The following EDAR variants were observed in gnomAD, a reference collection of about 807,000 sequenced individuals.
EDAR encodes the protein ectodysplasin A receptor.
EDAR carries 38 observed loss-of-function variants against 51.3 expected under a neutral mutation model. That is an observed-to-expected ratio of 0.74 (90% CI 0.57 to 0.97). The LOEUF (loss-of-function observed/expected upper bound fraction) is 0.97. Ranked by LOEUF, EDAR falls within the 50% of genes least tolerant of loss-of-function variation. The probability of loss-of-function intolerance (pLI) is 0.00; values close to 1 mark genes in which losing one functional copy is unlikely to be tolerated. For missense variants in EDAR, 528 were observed against 595.0 expected (o/e 0.89, Z 1.17); for synonymous variants, 227 against 242.1 (o/e 0.94, Z 0.58).
intron 9 of EDAR, among the ~76,000 whole-genome samples, chr2:108,910,019 G>T (rs887274016): frequency 2.0e-5 from 3 of 152,198 alleles, no homozygotes; most frequent in Non-Finnish European, 4.4e-5. Context: ...CCAGCACTTG[G>T]TGGGCAGTAG....
At chr2:108,941,506 C>G (rs1241118922) in intron 1 of EDAR, among the ~76,000 whole-genome samples, 2 of 152,178 alleles carry the variant, frequency 1.3e-5, no homozygotes, top group African/African-American at 2.4e-5. Flanking sequence ...TCCTGGCGAC[C>G]CTTCCTGACC....
chr2:108,919,239 G>T (rs982523374), intron 5 of EDAR, among the ~76,000 whole-genome samples: 4 of 152,210 alleles, frequency 2.6e-5, no homozygotes, highest in African/African-American at 9.7e-5. Context: ...ACGCAGAGTA[G>T]CAGAGATTTC....
chr2:108,942,381 G>T (rs1697619670), intron 1 of EDAR, among the ~76,000 whole-genome samples: 1 of 152,226 alleles, frequency 6.6e-6, no homozygotes, highest in Non-Finnish European at 1.5e-5. Context: ...GCTGGCGATG[G>T]CTGGGGCTGA....
chr2:108,967,902 T>C (rs184183150), intron 1 of EDAR, among the ~76,000 whole-genome samples: 213 of 152,200 alleles, frequency 1.4e-3, no homozygotes, highest in Admixed American at 5.2e-3. Context: ...CCCTCAAGAT[T>C]AGTGAGTCTA....
intron 4 of EDAR, among the ~76,000 whole-genome samples, chr2:108,926,301 C>T (rs1379185440): frequency 1.3e-5 from 2 of 152,138 alleles, no homozygotes; most frequent in Admixed American, 6.5e-5. Context: ...TTCTCCCTAG[C>T]CCCCCAACCC....
At chr2:108,915,267 G>A (rs1697006157) in intron 5 of EDAR, among the ~76,000 whole-genome samples, 1 of 152,154 alleles carries the variant, frequency 6.6e-6, no homozygotes, top group Non-Finnish European at 1.5e-5. Flanking sequence ...TTCTGTGAGT[G>A]GGGGCAGCCC....
intron 5 of EDAR, among the ~76,000 whole-genome samples, chr2:108,918,041 A>G (rs1295508373): frequency 6.6e-6 from 1 of 152,196 alleles, no homozygotes; most frequent in African/African-American, 2.4e-5. Context: ...CACCAGCATC[A>G]TGTTGAATGC....
At chr2:108,913,177 C>T (rs1407623668) in intron 5 of EDAR, among the ~76,000 whole-genome samples, 1 of 152,076 alleles carries the variant, frequency 6.6e-6, no homozygotes, top group African/African-American at 2.4e-5. Context: ...GCTCGATCTC[C>T]TGACCTTGTG....
chr2:108,910,593 C>T (rs753006689), intron 8 of EDAR, 61 bp from the exon 9 acceptor site: 333 of 1,468,826 alleles, frequency 2.3e-4, no homozygotes, highest in Non-Finnish European at 3.0e-4. Context: ...GCTCTGCGCT[C>T]AGCCCAACCC....
intron 1 of EDAR, among the ~76,000 whole-genome samples, chr2:108,933,817 G>A (rs1423695737): frequency 6.6e-6 from 1 of 152,008 alleles, no homozygotes; most frequent in Non-Finnish European, 1.5e-5. Flanking sequence ...TCAGGTGGGG[G>A]AGGGTTGGGT....
At chr2:108,964,112 G>A (rs754047692) in intron 1 of EDAR, among the ~76,000 whole-genome samples, 13 of 152,162 alleles carry the variant, frequency 8.5e-5, no homozygotes, top group African/African-American at 2.7e-4. Context: ...AAACAGACAC[G>A]TATGGCTGTG....
At chr2:108,948,528 C>T (rs1201449490) in intron 1 of EDAR, among the ~76,000 whole-genome samples, 2 of 152,172 alleles carry the variant, frequency 1.3e-5, no homozygotes, top group African/African-American at 4.8e-5. Context: ...TTAATTGATT[C>T]ACAGTTCTGA....
chr2:108,950,541 G>A (rs953794105), intron 1 of EDAR, among the ~76,000 whole-genome samples: 6 of 152,170 alleles, frequency 3.9e-5, no homozygotes, highest in Non-Finnish European at 7.3e-5. Context: ...TTGTTTATTC[G>A]TTCATATTCT....
At position 108,906,462 on chromosome 2, in the gene EDAR, C is replaced by A. The variant is rs146781925; in HGVS notation, c.964-94G>T. The A allele has an allele frequency of 1.6e-4, 213 of 1,297,984 alleles. 2 individuals carry two copies. The South Asian group carries it at 2.4e-3, about 15-fold the overall frequency. The allele number at this position is 1,297,984 out of a possible 1,614,324, so 80.4% of individuals were successfully genotyped here. On this transcript the variant is annotated intron_variant, in intron 10 of 11. Transcript: ENST00000258443. ...TGTCAGCAGGGGCAGGCAGCAGCTACGCCCAACACCAGAGACGCTGCACAC... is the reference window on the plus strand; with the variant it reads ...TGTCAGCAGGGGCAGGCAGCAGCTAAGCCCAACACCAGAGACGCTGCACAC...
At chr2:108,944,380 C>T (rs1386090114) in intron 1 of EDAR, among the ~76,000 whole-genome samples, 1 of 152,228 alleles carries the variant, frequency 6.6e-6, no homozygotes, top group African/African-American at 2.4e-5. Flanking sequence ...TCCCAAAGTG[C>T]TGGGATTACA....
rs142690847 is a variant in EDAR, at chr2:108,982,069, C to T, written c.-19+6891G>A. On this transcript the variant is annotated intron_variant, in intron 1 of 11. Coordinates refer to ENST00000258443, the MANE Select transcript of EDAR (RefSeq NM_022336.4). ...GATGTTTAACGGCTCAGTAACAGCA[C>T]CATGCAATTTGGCTATCTCTCCTAT... Among the ~76,000 whole-genome samples, 704 of 152,280 alleles carry T rather than the reference C, an allele frequency of 4.6e-3. 6 individuals carry two copies. The highest frequency in any genetic ancestry group is 0.016 in the African/African-American group (677 of 41,548).
intron 2 of EDAR, 90 bp from the exon 3 acceptor site, chr2:108,930,332 G>T (rs1463393704): frequency 5.9e-6 from 9 of 1,517,418 alleles, no homozygotes; most frequent in Admixed American, 1.7e-5. Flanking sequence ...TAGGAAGGGG[G>T]TGCCCTGCGG....
chr2:108,911,019 T>C lies in EDAR; in HGVS notation c.583A>G (p.Ile195Val), dbSNP rs1696920287. The change falls in exon 7 of 12, where the codon ATC (isoleucine) becomes GTC (valine). Residue 195 changes from isoleucine to valine, a missense_variant. Physicochemically the swap from Ile to Val is conservative, Grantham distance 29 (BLOSUM62 3). Transcript: ENST00000258443. Reference sequence around the variant, plus strand: ...ACGATGGCGATGGCCATGATGAAGATGGTGGACATTGCAATGATCAGGGCA... The same window carrying C: ...ACGATGGCGATGGCCATGATGAAGACGGTGGACATTGCAATGATCAGGGCA... ...ATALIIAMST[I>V]FIMAIAIVLI... 1.2e-6 allele frequency: 2 copies of C among 1,614,060 alleles called. No homozygotes were observed. The highest frequency in any genetic ancestry group is 1.7e-6 in the Non-Finnish European group (2 of 1,179,982).
chr2:108,986,337 A>C (rs1051458748), intron 1 of EDAR, among the ~76,000 whole-genome samples: 2 of 152,164 alleles, frequency 1.3e-5, no homozygotes, highest in Non-Finnish European at 1.5e-5. Context: ...ACAGGAGATG[A>C]GTGTGTCTGG....
Sources: gnomAD v4.1 joint callset for allele counts (sites outside exome capture counted in the v4.1 genomes callset) on GRCh38, gnomAD v4.1.1 for gene constraint, MANE v1.5 for transcripts, NCBI Gene and HGNC (gene_info 2026-07-23, HGNC 2026-07-21) for gene names.